The following LGSN variants were observed in gnomAD, a reference collection of about 807,000 sequenced individuals.
The protein encoded by LGSN is lengsin, lens protein with glutamine synthetase domain.
In LGSN, 21 loss-of-function variants were observed where a neutral mutation model predicts 19.5. The observed-to-expected ratio is 1.07, with a 90% CI of 0.76 to 1.55. The LOEUF is 1.55. Ranked by LOEUF, LGSN falls within the 40% of genes most tolerant of loss-of-function variation. The pLI, the probability that LGSN is intolerant of heterozygous loss-of-function variation, is 0.00. For missense variants in LGSN, 673 were observed against 608.5 expected, an observed-to-expected ratio of 1.11 and a Z score of -1.12; for synonymous variants, 257 against 215.6, an observed-to-expected ratio of 1.19 and a Z score of -1.68.
At chr6:63,406,958 A>T in the LGSN span, among the ~76,000 whole-genome samples, 1 of 152,154 alleles carries the variant, frequency 6.6e-6, no homozygotes, top group Non-Finnish European at 1.5e-5. Flanking sequence ...CGACACCTAC[A>T]CCCTCCCAAG....
the LGSN span, among the ~76,000 whole-genome samples, chr6:63,544,113 T>G: frequency 6.6e-6 from 1 of 152,120 alleles, no homozygotes; most frequent in Non-Finnish European, 1.5e-5. Context: ...CTACTTACAA[T>G]TGTGGGGAGT....
the LGSN span, among the ~76,000 whole-genome samples, chr6:63,530,748 T>C: frequency 2.0e-5 from 3 of 152,214 alleles, no homozygotes; most frequent in African/African-American, 7.2e-5. Flanking sequence ...GAGGCATACC[T>C]GAATTCATTT....
Position 63,280,680 on chromosome 6 carries a change from CT to C in LGSN, c.870del (p.Glu291LysfsTer59), listed in dbSNP as rs1318713767. 2 of 1,614,006 alleles carry C rather than the reference CT, an allele frequency of 1.2e-6. No individual in the cohort carries two copies. Among genetic ancestry groups the C allele is most frequent in the Non-Finnish European group, 1.7e-6 (2 of 1,180,036 alleles). ...ATGTAATTATATTTCCTTGCCACTT[CT>C]TTGACACCTGTTCTGAGGGTAAATG... ...DNAFTLRTGV[K>X]EVARKYNYIA... is the part of the protein sequence containing the mutation. On this transcript the variant is annotated frameshift_variant, in exon 4 of 4. Coordinates refer to ENST00000370657, the MANE Select transcript of LGSN (RefSeq NM_016571.3). LOFTEE classifies it low-confidence loss of function (END_TRUNC).
chr6:63,468,319 G>C, the LGSN span, among the ~76,000 whole-genome samples: 1 of 151,316 alleles, frequency 6.6e-6, no homozygotes. Flanking sequence ...GTAGAGACAG[G>C]GTTTCACCAT....
the LGSN span, among the ~76,000 whole-genome samples, chr6:63,523,334 A>G: frequency 6.6e-6 from 1 of 152,068 alleles, no homozygotes; most frequent in South Asian, 2.1e-4. Flanking sequence ...GGAGTTCGAG[A>G]CTAGCCTGGC....
At chr6:63,457,444 G>A in the LGSN span, among the ~76,000 whole-genome samples, 15 of 152,314 alleles carry the variant, frequency 9.8e-5, no homozygotes, top group African/African-American at 3.6e-4. Flanking sequence ...GGTGGAGGCT[G>A]CAGTGAGCCA....
chr6:63,521,961 A>T, the LGSN span: 2 of 152,218 alleles, frequency 1.3e-5, no homozygotes, highest in Admixed American at 6.5e-5. Flanking sequence ...GAGAGTTCTG[A>T]TCTGTTCAAG....
the LGSN span, among the ~76,000 whole-genome samples, chr6:63,451,589 G>A: frequency 3.9e-5 from 6 of 152,172 alleles, no homozygotes; most frequent in Middle Eastern, 3.4e-3. Context: ...ACAAACTGGG[G>A]CCTATTAGAG....
At chr6:63,362,194 A>G in the LGSN span, among the ~76,000 whole-genome samples, 1 of 152,140 alleles carries the variant, frequency 6.6e-6, no homozygotes, top group Non-Finnish European at 1.5e-5. Flanking sequence ...TAGAAGGAGT[A>G]TACTCTAAAA....
At chr6:63,540,166 T>C in the LGSN span, among the ~76,000 whole-genome samples, 6 of 152,206 alleles carry the variant, frequency 3.9e-5, no homozygotes, top group Non-Finnish European at 8.8e-5. Context: ...GAATCTGGTG[T>C]GCATGGTTGG....
the LGSN span, among the ~76,000 whole-genome samples, chr6:63,434,955 AC>A: frequency 2.0e-4 from 30 of 152,234 alleles, no homozygotes; most frequent in African/African-American, 7.0e-4. Flanking sequence ...TGCCAAAGAA[AC>A]TTTTCTCCTT....
Position 63,280,252 on chromosome 6 carries a change from G to T in LGSN, c.1299C>A (p.Ser433Arg), listed in dbSNP as rs745887094. 1 of 1,614,204 alleles carries T rather than the reference G, an allele frequency of 6.2e-7. No individual in the cohort carries two copies. Among genetic ancestry groups the T allele is most frequent in the Non-Finnish European group, 8.5e-7 (1 of 1,180,038 alleles). Residue 433 changes from serine (S) to arginine (R), a missense_variant, in exon 4 of 4, where the codon AGC (serine) becomes AGA (arginine). Transcript: ENST00000370657. ...CTGGACCAGCCAAGACCTCATTACT[G>T]CTATGAAGTCCATCTAAGCCGGCAG... ...TVAAGLDGLHSSNEVLAGPDE... is the reference protein window; with the variant it reads ...TVAAGLDGLHRSNEVLAGPDE...
the LGSN span, among the ~76,000 whole-genome samples, chr6:63,341,161 C>T: frequency 2.9e-3 from 449 of 152,286 alleles, 3 homozygotes; most frequent in African/African-American, 0.01. Context: ...AGTCCTCAGG[C>T]TCCTGGGAAG....
At chr6:63,382,212 AT>A in the LGSN span, among the ~76,000 whole-genome samples, 1 of 152,222 alleles carries the variant, frequency 6.6e-6, no homozygotes, top group East Asian at 1.9e-4. Flanking sequence ...GAGAACTTAC[AT>A]TTTTATATAG....
intron 3 of LGSN, among the ~76,000 whole-genome samples, chr6:63,284,870 T>G (rs1381175922): frequency 2.6e-5 from 4 of 152,196 alleles, no homozygotes; most frequent in Admixed American, 2.6e-4. Flanking sequence ...CTGATGTTAA[T>G]GTGATAAAAG....
the LGSN span, among the ~76,000 whole-genome samples, chr6:63,412,495 AAAG>A: frequency 2.0e-4 from 20 of 100,740 alleles, no homozygotes; most frequent in African/African-American, 9.5e-4. Flanking sequence ...AGAAAGAAAG[AAAG>A]AAAGAAAGAA....
the LGSN span, chr6:63,573,573 C>G: frequency 6.6e-6 from 1 of 152,202 alleles, no homozygotes; most frequent in Non-Finnish European, 1.5e-5. Flanking sequence ...GGGCATTCCG[C>G]GAGCTGCACC....
chr6:63,469,570 T>G, the LGSN span, among the ~76,000 whole-genome samples: 1 of 152,340 alleles, frequency 6.6e-6, no homozygotes, highest in East Asian at 1.9e-4. Flanking sequence ...ATAAAAATTT[T>G]TGTAAGATCA....
the LGSN span, among the ~76,000 whole-genome samples, chr6:63,529,176 T>C: frequency 2.0e-5 from 3 of 146,754 alleles, no homozygotes; most frequent in Non-Finnish European, 4.5e-5. Flanking sequence ...TATATATATA[T>C]GTATATATAT....
Sources: allele counts gnomAD v4.1 joint callset (sites outside exome capture counted in the v4.1 genomes callset), GRCh38; gene constraint gnomAD v4.1.1; transcripts MANE v1.5; gene names NCBI Gene and HGNC (gene_info 2026-07-23, HGNC 2026-07-21).